The following ARFGEF2 variants were observed in gnomAD, a reference collection of about 807,000 sequenced individuals.
ARFGEF2 encodes brefeldin A-inhibited guanine nucleotide-exchange protein 2.
ARFGEF2 carries 74 observed loss-of-function variants against 219.9 expected under a neutral mutation model. That is an observed-to-expected ratio of 0.34 (90% CI 0.28 to 0.41). The LOEUF (loss-of-function observed/expected upper bound fraction) is 0.41. Ranked by LOEUF, ARFGEF2 falls within the 10% of genes least tolerant of loss-of-function variation. The pLI, the probability that ARFGEF2 is intolerant of heterozygous loss-of-function variation, is 1.00. For synonymous variants in ARFGEF2, 733 were observed against 799.2 expected, an observed-to-expected ratio of 0.92 and a Z score of 1.40; for missense variants, 1,743 against 2,218.3, an observed-to-expected ratio of 0.79 and a Z score of 4.30.
chr20:49,026,204 T>C (rs1056671309), intron 36 of ARFGEF2, among the ~76,000 whole-genome samples: 1 of 151,824 alleles, frequency 6.6e-6, no homozygotes, highest in African/African-American at 2.4e-5. Flanking sequence ...TAGCTGGGCA[T>C]TGTAGCACAC....
chr20:48,930,471 A>G (rs56395482), intron 1 of ARFGEF2, among the ~76,000 whole-genome samples: 16,732 of 152,270 alleles, frequency 0.11, 1,079 homozygotes, highest in Non-Finnish European at 0.14. Context: ...CCTGGTTAGA[A>G]GATGAAGCCA....
chr20:48,979,657 G>T (rs1285681031), intron 14 of ARFGEF2, among the ~76,000 whole-genome samples: 1 of 152,180 alleles, frequency 6.6e-6, no homozygotes, highest in Admixed American at 6.5e-5. Flanking sequence ...TTCAGAGCCT[G>T]TTATTGGTCT....
In ARFGEF2 at chr20:48,945,991, A is replaced by G. The variant is rs372429489; in HGVS notation, c.276+4004A>G. ...CAAAATGAGTCATCCTTTTTATGAC[A>G]TGAGAAAGTGGCTCGGTGCTCCCTG... On this transcript the variant is annotated intron_variant, in intron 3 of 38. Coordinates refer to ENST00000371917, the MANE Select transcript of ARFGEF2 (RefSeq NM_006420.3). 2.6e-5 allele frequency among the ~76,000 whole-genome samples: 4 copies of G among 152,322 alleles called. No homozygotes were observed. In the East Asian group the frequency reaches 7.7e-4, roughly 29 times the overall value.
intron 3 of ARFGEF2, among the ~76,000 whole-genome samples, chr20:48,943,138 A>G (rs2091004583): frequency 6.6e-6 from 1 of 152,158 alleles, no homozygotes; most frequent in East Asian, 1.9e-4. Context: ...TAACTACACC[A>G]CTAAAAAGAT....
At chr20:48,971,689 C>T (rs936666557) in intron 10 of ARFGEF2, among the ~76,000 whole-genome samples, 1 of 152,112 alleles carries the variant, frequency 6.6e-6, no homozygotes, top group Non-Finnish European at 1.5e-5. Context: ...ATCATGAGGT[C>T]AGGAGATCGA....
At position 48,988,534 on chromosome 20, in the gene ARFGEF2, G is replaced by A. The variant is rs748482139; in HGVS notation, c.2405G>A (p.Arg802Gln). 10 of 1,613,434 alleles carry A rather than the reference G, an allele frequency of 6.2e-6. No homozygotes were observed. Among genetic ancestry groups the A allele is most frequent in the South Asian group, 1.1e-5 (1 of 91,014 alleles). Residue 802 changes from arginine to glutamine, a missense_variant, in exon 18 of 39, where the codon CGG (arginine) becomes CAG (glutamine). Arg to Gln is a conservative substitution (Grantham distance 43, BLOSUM62 1). Transcript: ENST00000371917. ...MTKEQYIKMNRGINDSKDLPE... is the reference protein window; with the variant it reads ...MTKEQYIKMNQGINDSKDLPE... ...AAAGAGCAGTATATTAAAATGAATCGGGGTATCAATGATAGTAAAGATCTG... is the reference window on the plus strand; with the variant it reads ...AAAGAGCAGTATATTAAAATGAATCAGGGTATCAATGATAGTAAAGATCTG...
At chr20:49,022,964 A>G (rs1472416962) in intron 34 of ARFGEF2, 87 bp from the exon 35 acceptor site, 1 of 1,564,258 alleles carries the variant, frequency 6.4e-7, no homozygotes. Flanking sequence ...AAAATAAATC[A>G]TGCCTTGCAC....
At position 48,995,082 on chromosome 20, in the gene ARFGEF2, G is replaced by A. The variant is rs140354647; in HGVS notation, c.3121+484G>A. ...ATAATAGTAAATAGGGCAAACAGATGTGCCAAGTCATATTCTGAGCACTCA... is the reference window on the plus strand; with the variant it reads ...ATAATAGTAAATAGGGCAAACAGATATGCCAAGTCATATTCTGAGCACTCA... On this transcript the variant is annotated intron_variant, in intron 22 of 38. Transcript: ENST00000371917. 6.9e-3 allele frequency among the ~76,000 whole-genome samples: 1,057 copies of A among 152,268 alleles called. 15 individuals are homozygous for A. The highest frequency in any genetic ancestry group is 0.023 in the African/African-American group (969 of 41,540).
chr20:48,959,994 T>A (rs1198343334), intron 6 of ARFGEF2, among the ~76,000 whole-genome samples: 1 of 152,236 alleles, frequency 6.6e-6, no homozygotes, highest in African/African-American at 2.4e-5. Context: ...ATTTTATTGC[T>A]TAAGGTGAGT....
chr20:49,001,473 T>A (rs1195629217), intron 25 of ARFGEF2, among the ~76,000 whole-genome samples: 1 of 152,192 alleles, frequency 6.6e-6, no homozygotes, highest in Non-Finnish European at 1.5e-5. Context: ...AGCCCTCAGG[T>A]TGCTGGCAGA....
rs752617226 is a variant in ARFGEF2, at chr20:49,005,272, C to T, written c.3584+51C>T. The T allele has an allele frequency of 3.1e-6, 5 of 1,609,734 alleles. No individual in the cohort carries two copies. The South Asian group carries it at 4.4e-5, about 14-fold the overall frequency. On this transcript the variant is annotated intron_variant, in intron 26 of 38. Transcript: ENST00000371917. ...TTGGTCAAATTCCCCGTTGGGGCTC[C>T]CAGAAGCCCTCCTAACACTAACCAC...
At position 48,979,514 on chromosome 20, in the gene ARFGEF2, C is replaced by T. The variant is rs527705837; in HGVS notation, c.1958+3315C>T. ...TAAAATGAGTTAGGGAGGATTCCCT[C>T]TTTTTCTATTGATTGGAATAGTTTC... is the stretch of plus-strand genomic sequence containing the variant. On this transcript the variant is annotated intron_variant, in intron 14 of 38. Transcript: ENST00000371917. 1.2e-3 allele frequency among the ~76,000 whole-genome samples: 176 copies of T among 152,296 alleles called. 1 individual carries two copies. Among genetic ancestry groups the T allele is most frequent in the Non-Finnish European group, 1.9e-3 (126 of 68,030 alleles).
intron 16 of ARFGEF2, 42 bp from the exon 17 acceptor site, chr20:48,988,262 C>T (rs138276525): frequency 2.2e-5 from 31 of 1,429,558 alleles, no homozygotes; most frequent in Admixed American, 1.0e-4. Context: ...CCTTCCAAAC[C>T]GCATCACCAT....
intron 10 of ARFGEF2, 52 bp downstream of exon 10, chr20:48,971,406 T>C: frequency 1.6e-6 from 2 of 1,271,482 alleles, no homozygotes; most frequent in Non-Finnish European, 2.3e-6. Context: ...TTATTAGTCA[T>C]TAATTATAAT....
In ARFGEF2 at chr20:48,941,880, C is replaced by T. The variant is rs73113975; in HGVS notation, c.169C>T (p.Pro57Ser). ...IEKQRLGTAA[P>S]PKANFIEADK... ...TTCTCCTAGGCTTGGCACTGCTGCACCACCAAAGGCAAACTTCATTGAAGC... is the reference window on the plus strand; with the variant it reads ...TTCTCCTAGGCTTGGCACTGCTGCATCACCAAAGGCAAACTTCATTGAAGC... The change falls in exon 3 of 39, where the codon CCA becomes TCA. Residue 57 changes from proline (P) to serine (S), a missense_variant. Transcript: ENST00000371917. 11,959 of 1,614,242 alleles carry T rather than the reference C, an allele frequency of 7.4e-3. 58 individuals are homozygous for T. The highest frequency in any genetic ancestry group is 9.3e-3 in the Non-Finnish European group (10,970 of 1,180,040).
chr20:49,023,781 G>T (rs915606310), intron 35 of ARFGEF2, among the ~76,000 whole-genome samples: 2 of 151,752 alleles, frequency 1.3e-5, no homozygotes, highest in Non-Finnish European at 2.9e-5. Context: ...CTCGTGATCC[G>T]CCCGCCTCGG....
chr20:49,030,900 G>C (rs73611323), intron 37 of ARFGEF2, among the ~76,000 whole-genome samples: 24,560 of 152,092 alleles, frequency 0.16, 2,591 homozygotes, highest in Non-Finnish European at 0.24. Flanking sequence ...GCTGAGGCAG[G>C]AGAATCACTT....
intron 25 of ARFGEF2, among the ~76,000 whole-genome samples, chr20:49,004,581 A>C (rs1464060988): frequency 2.0e-5 from 3 of 151,932 alleles, no homozygotes; most frequent in Non-Finnish European, 4.4e-5. Flanking sequence ...CAGGTGGATC[A>C]CCTGAGGTCA....
chr20:48,950,232 G>A (rs1341717141), intron 3 of ARFGEF2, among the ~76,000 whole-genome samples: 1 of 152,108 alleles, frequency 6.6e-6, no homozygotes, highest in African/African-American at 2.4e-5. Flanking sequence ...TACTATTGAT[G>A]TAGGTGTGAA....
Sources: allele counts gnomAD v4.1 joint callset (sites outside exome capture counted in the v4.1 genomes callset), GRCh38; gene constraint gnomAD v4.1.1; transcripts MANE v1.5; gene names NCBI Gene and HGNC (gene_info 2026-07-23, HGNC 2026-07-21).